Variants in TCF12 observed in about 807,000 individuals in gnomAD.
TCF12 encodes transcription factor 12.
A neutral mutation model predicts 86.0 loss-of-function variants in TCF12; 45 were observed. The observed-to-expected ratio is 0.52, with a 90% confidence interval of 0.41 to 0.67. The LOEUF (loss-of-function observed/expected upper bound fraction) is 0.67. Among genes scored for constraint, TCF12 ranks in the 30% least tolerant of loss-of-function variants. The pLI, the probability that TCF12 is intolerant of heterozygous loss-of-function variation, is 0.00. For missense variants in TCF12, 881 were observed against 859.9 expected, an observed-to-expected ratio of 1.02 and a Z score of -0.31; for synonymous variants, 330 against 299.6, an observed-to-expected ratio of 1.10 and a Z score of -1.05.
chr15:56,982,622 G>A (rs1260798293), intron 3 of TCF12, among the ~76,000 whole-genome samples: 1 of 152,006 alleles, frequency 6.6e-6, no homozygotes, highest in Non-Finnish European at 1.5e-5. Flanking sequence ...TTTTTTAAAA[G>A]AAAAAAATTA....
intron 18 of TCF12, 140 bp from the exon 19 acceptor site, chr15:57,272,890 T>C (rs2061208137): frequency 7.9e-6 from 6 of 760,122 alleles, no homozygotes; most frequent in East Asian, 2.7e-5. Context: ...TATACAGTCA[T>C]GTTAACTGCA....
chr15:57,056,708 C>T (rs1370981293), intron 3 of TCF12, among the ~76,000 whole-genome samples: 1 of 152,036 alleles, frequency 6.6e-6, no homozygotes, highest in African/African-American at 2.4e-5. Context: ...ATCCACCTGC[C>T]TTGGCCTCCC....
At chr15:57,230,754 A>C (rs1282504385) in intron 8 of TCF12, among the ~76,000 whole-genome samples, 5 of 152,076 alleles carry the variant, frequency 3.3e-5, no homozygotes, top group Non-Finnish European at 5.9e-5. Context: ...ACTGAAAAGA[A>C]TGAATTTTAT....
At chr15:57,227,715 C>G (rs1597453872) in intron 8 of TCF12, among the ~76,000 whole-genome samples, 1 of 152,002 alleles carries the variant, frequency 6.6e-6, no homozygotes, top group Non-Finnish European at 1.5e-5. Flanking sequence ...TTTCTTAACA[C>G]CATTCTTAGA....
chr15:57,015,809 A>G (rs2065120423), intron 3 of TCF12, among the ~76,000 whole-genome samples: 1 of 152,212 alleles, frequency 6.6e-6, no homozygotes, highest in Admixed American at 6.5e-5. Context: ...TGACTGATTT[A>G]TATCTTACTT....
At chr15:57,047,872 C>T (rs2067337744) in intron 3 of TCF12, among the ~76,000 whole-genome samples, 1 of 152,190 alleles carries the variant, frequency 6.6e-6, no homozygotes, top group Non-Finnish European at 1.5e-5. Flanking sequence ...GTATAGCTTA[C>T]TACACACCTA....
intron 14 of TCF12, among the ~76,000 whole-genome samples, chr15:57,251,809 A>T (rs775521154): frequency 6.6e-6 from 1 of 152,240 alleles, no homozygotes; most frequent in Admixed American, 6.5e-5. Flanking sequence ...ACACTTTCTC[A>T]TAATACTGTG....
At chr15:57,093,830 T>G (rs1310224064) in intron 5 of TCF12, among the ~76,000 whole-genome samples, 1 of 152,254 alleles carries the variant, frequency 6.6e-6, no homozygotes, top group Non-Finnish European at 1.5e-5. Context: ...ATTGATCTCT[T>G]AATTCAAATG....
chr15:57,282,459 C>T lies in TCF12; in HGVS notation c.1993C>T (p.Pro665Ser), dbSNP rs2061735327. The T allele has an allele frequency of 6.2e-7, 1 of 1,614,134 alleles. No homozygotes were observed. The highest frequency in any genetic ancestry group is 8.5e-7 in the Non-Finnish European group (1 of 1,180,026). The change falls in exon 20 of 21, where the codon CCC becomes TCC. Residue 665 changes from proline to serine, a missense_variant. This residue lies in a region of TCF12 where 69 missense variants were observed against 64.2 expected (regional missense o/e 1.07). Transcript: ENST00000333725. The part of the protein sequence containing the change: ...EQQVRERNLN[P>S]KAACLKRREE... ...CCCTGTTTTAGAGAGGAACCTTAAC[C>T]CCAAAGCAGCCTGCCTTAAGAGAAG...
intron 18 of TCF12, among the ~76,000 whole-genome samples, chr15:57,269,360 C>CTTTTTTT (rs56700978): frequency 3.1e-5 from 1 of 31,944 alleles, no homozygotes; most frequent in Non-Finnish European, 5.2e-5. Flanking sequence ...ACAACCCCTG[C>CTTTTTTT]TTTTTTTTTT....
chr15:57,231,377 T>A, intron 9 of TCF12, 120 bp downstream of exon 9: 3 of 701,230 alleles, frequency 4.3e-6, no homozygotes, highest in South Asian at 3.8e-5. Flanking sequence ...TTTTTTTGGC[T>A]AAATTAAAAT....
intron 7 of TCF12, among the ~76,000 whole-genome samples, chr15:57,197,230 C>T (rs2057315239): frequency 7.2e-6 from 1 of 138,768 alleles, no homozygotes; most frequent in African/African-American, 2.6e-5. Flanking sequence ...CATCTTGGCT[C>T]ACTGCAACCT....
At chr15:57,249,239 G>A (rs2059997544) in intron 13 of TCF12, among the ~76,000 whole-genome samples, 1 of 152,102 alleles carries the variant, frequency 6.6e-6, no homozygotes, top group Admixed American at 6.6e-5. Context: ...CAGTTATTGA[G>A]ATTTTCTGGT....
chr15:57,035,849 G>T (rs1429447619), intron 3 of TCF12, among the ~76,000 whole-genome samples: 1 of 152,116 alleles, frequency 6.6e-6, no homozygotes, highest in Non-Finnish European at 1.5e-5. Context: ...CCGTTGCACC[G>T]CAGGAGGTGA....
At chr15:56,948,876 C>T (rs969292385) in intron 3 of TCF12, among the ~76,000 whole-genome samples, 1 of 152,240 alleles carries the variant, frequency 6.6e-6, no homozygotes, top group African/African-American at 2.4e-5. Context: ...AAAAGTCACA[C>T]TCTTTCCCCA....
intron 5 of TCF12, among the ~76,000 whole-genome samples, chr15:57,102,235 TCTTGCTC>T (rs1485196712): frequency 6.6e-6 from 1 of 152,198 alleles, no homozygotes; most frequent in Admixed American, 6.5e-5. Context: ...CATTTGCCAG[TCTTGCTC>T]TAGATAATTT....
At chr15:56,985,940 T>G (rs978612895) in intron 3 of TCF12, among the ~76,000 whole-genome samples, 4 of 152,206 alleles carry the variant, frequency 2.6e-5, no homozygotes, top group Non-Finnish European at 5.9e-5. Flanking sequence ...TTTTTATCAA[T>G]TTAAACTGTG....
chr15:57,171,326 A>G (rs2055482157), intron 6 of TCF12, among the ~76,000 whole-genome samples: 1 of 152,122 alleles, frequency 6.6e-6, no homozygotes, highest in African/African-American at 2.4e-5. Flanking sequence ...CAGCAAGGAT[A>G]AACTATTCAA....
chr15:57,101,603 A>ACACACACGTGCATATGCACC (rs2049758823), intron 5 of TCF12, among the ~76,000 whole-genome samples: 1 of 152,226 alleles, frequency 6.6e-6, no homozygotes, highest in Non-Finnish European at 1.5e-5. Flanking sequence ...GTGCGTGCAC[A>ACACACACGTGCATATGCACC]CACACACGTG....
Sources: allele counts gnomAD v4.1 joint callset (sites outside exome capture counted in the v4.1 genomes callset), GRCh38; gene constraint gnomAD v4.1.1; regional missense constraint gnomAD v4.1.1; transcripts MANE v1.5; gene names NCBI Gene and HGNC (gene_info 2026-07-23, HGNC 2026-07-21).